KCNAB1: variants seen among roughly 807,000 people sequenced by gnomAD.
KCNAB1 encodes the protein potassium voltage-gated channel subfamily A regulatory beta subunit 1, also known as voltage-gated potassium channel subunit beta-1.
A neutral mutation model predicts 64.6 loss-of-function variants in KCNAB1; 35 were observed. The observed-to-expected ratio is 0.54, with a 90% CI of 0.41 to 0.72. The LOEUF (loss-of-function observed/expected upper bound fraction) is 0.72, where lower values mean the gene tolerates loss of function less well. KCNAB1 is among the 30% of genes least tolerant of loss of function. The probability of loss-of-function intolerance (pLI) is 0.00; values close to 1 mark genes in which losing one functional copy is unlikely to be tolerated. For missense variants in KCNAB1, 401 were observed against 512.9 expected (o/e 0.78, Z 2.11); for synonymous variants, 177 against 183.8 (o/e 0.96, Z 0.30).
At chr3:156,342,585 CTTTTTT>C (rs60982892) in intron 1 of KCNAB1, among the ~76,000 whole-genome samples, 3 of 86,268 alleles carry the variant, frequency 3.5e-5, no homozygotes, top group African/African-American at 3.7e-5. Context: ...CTATGTGTTT[CTTTTTT>C]TTTTTTTTTT....
At chr3:156,474,956 C>A (rs1227386778) in intron 8 of KCNAB1, 136 bp downstream of exon 8, 18 of 690,816 alleles carry the variant, frequency 2.6e-5, no homozygotes, top group Non-Finnish European at 4.4e-5. Flanking sequence ...CTGACTGATG[C>A]CTTTTGGCCT....
In KCNAB1 at chr3:156,200,415, G is replaced by A. The variant is rs368639849; in HGVS notation, c.275+79529G>A. On this transcript the variant is annotated intron_variant, in intron 1 of 13. Transcript: ENST00000490337. ...AAGAAGCTTTGTCTGCTGAAGCTGC[G>A]CCCATAGGCACCCCTTCCTTTAGGT... Among the ~76,000 whole-genome samples, 47 of 152,306 alleles carry A rather than the reference G, an allele frequency of 3.1e-4. No homozygotes were observed. In the Middle Eastern group the frequency reaches 0.01, roughly 33 times the overall value.
At chr3:156,486,316 T>C (rs962297559) in intron 8 of KCNAB1, among the ~76,000 whole-genome samples, 3 of 152,124 alleles carry the variant, frequency 2.0e-5, no homozygotes, top group African/African-American at 7.2e-5. Flanking sequence ...TCAGTGACTC[T>C]GGAGCTCCTC....
At chr3:156,505,362 C>T (rs559098821) in intron 8 of KCNAB1, among the ~76,000 whole-genome samples, 5 of 152,232 alleles carry the variant, frequency 3.3e-5, no homozygotes, top group Admixed American at 3.3e-4. Context: ...TCTTTTTGCT[C>T]AAGATTGCTT....
At position 156,515,171 on chromosome 3, in the gene KCNAB1, C is replaced by T. The variant is rs1301173951; in HGVS notation, c.816C>T (p.Phe272=). The T allele has an allele frequency of 6.2e-7, 1 of 1,613,272 alleles. No individual in the cohort carries two copies. Among genetic ancestry groups the T allele is most frequent in the Admixed American group, 1.7e-5 (1 of 59,960 alleles). Residue 272 remains phenylalanine (F), a synonymous_variant, in exon 10 of 14, where the codon TTC becomes TTT. Transcript: ENST00000490337. ...GTGAACAAGCTGAGTACCATCTTTT[C>T]CAGAGAGAGAAAGTGGAGGTCCAGC... ...PVCEQAEYHL[F]QREKVEVQLP...
At position 156,459,179 on chromosome 3, in the gene KCNAB1, A is replaced by G. The variant is rs184466657; in HGVS notation, c.438-648A>G. ...AGGGACATAGAACATTTGTCTCCTC[A>G]ATCTTGGGTCCCAGCCTGGGTAGGT... On this transcript the variant is annotated intron_variant, in intron 4 of 13. Coordinates refer to ENST00000490337, the MANE Select transcript of KCNAB1 (RefSeq NM_172160.3). 8.6e-4 allele frequency among the ~76,000 whole-genome samples: 131 copies of G among 152,290 alleles called. 1 individual carries two copies. The highest frequency in any genetic ancestry group is 3.1e-3 in the African/African-American group (130 of 41,564).
At chr3:156,496,187 A>G (rs977758861) in intron 8 of KCNAB1, among the ~76,000 whole-genome samples, 5 of 152,176 alleles carry the variant, frequency 3.3e-5, no homozygotes, top group African/African-American at 9.7e-5. Flanking sequence ...GTAAAGATTT[A>G]TAAAGAAAAA....
At chr3:156,176,543 C>T in intron 1 of KCNAB1, 2 of 809,932 alleles carry the variant, frequency 2.5e-6, no homozygotes, top group East Asian at 4.8e-5. Context: ...GAAGAGCATA[C>T]TGCCATCTGT....
At chr3:156,198,591 T>G (rs2108373548) in intron 1 of KCNAB1, among the ~76,000 whole-genome samples, 1 of 151,522 alleles carries the variant, frequency 6.6e-6, no homozygotes, top group East Asian at 1.9e-4. Context: ...ATCTGTTTTA[T>G]CAGAGACTAC....
chr3:156,403,892 T>TAAAAAAAAAAAAAA (rs200824639), intron 1 of KCNAB1, among the ~76,000 whole-genome samples: 57 of 136,820 alleles, frequency 4.2e-4, no homozygotes, highest in South Asian at 4.1e-3. Flanking sequence ...AGACTCTGCC[T>TAAAAAAAAAAAAAA]AAAAAAAAAA....
chr3:156,195,640 T>C (rs973407055), intron 1 of KCNAB1, among the ~76,000 whole-genome samples: 2 of 146,784 alleles, frequency 1.4e-5, no homozygotes, highest in Non-Finnish European at 3.1e-5. Context: ...GGTTGTTTGA[T>C]TTTTTCTTGT....
At chr3:156,486,627 G>A (rs1715235928) in intron 8 of KCNAB1, among the ~76,000 whole-genome samples, 1 of 152,180 alleles carries the variant, frequency 6.6e-6, no homozygotes, top group African/African-American at 2.4e-5. Context: ...GACCTCCTGG[G>A]ACTGGTAGGG....
At chr3:156,266,069 T>A (rs1240324347) in intron 1 of KCNAB1, among the ~76,000 whole-genome samples, 1 of 152,072 alleles carries the variant, frequency 6.6e-6, no homozygotes, top group African/African-American at 2.4e-5. Flanking sequence ...ACCAACCACC[T>A]CCCCTTGGAA....
intron 1 of KCNAB1, 125 bp from the exon 2 acceptor site, chr3:156,421,491 T>C (rs577557666): frequency 3.5e-6 from 3 of 853,532 alleles, no homozygotes; most frequent in Non-Finnish European, 5.6e-6. Flanking sequence ...TATGCCGGCA[T>C]CTGTGGTTCT....
chr3:156,242,904 T>A (rs983120876), intron 1 of KCNAB1, among the ~76,000 whole-genome samples: 2 of 151,686 alleles, frequency 1.3e-5, no homozygotes, highest in Admixed American at 6.6e-5. Context: ...TTATTTATTT[T>A]TTATTTTATT....
At chr3:156,271,990 T>A (rs1433270351) in intron 1 of KCNAB1, among the ~76,000 whole-genome samples, 6 of 152,252 alleles carry the variant, frequency 3.9e-5, no homozygotes, top group Admixed American at 3.9e-4. Context: ...TTGTATAAGA[T>A]CTAAAAGAAT....
intron 9 of KCNAB1, among the ~76,000 whole-genome samples, chr3:156,514,864 A>G (rs1717450068): frequency 1.3e-5 from 2 of 152,072 alleles, no homozygotes; most frequent in African/African-American, 2.4e-5. Flanking sequence ...CACCTTGACT[A>G]ATTTGCTCTG....
rs1715729228 is a variant in KCNAB1 at position 156,221,474 on chromosome 3, T to C, written c.275+100588T>C. ...TCTTTAGCCCCCTTCATCAAAATAA[T>C]TATCAGTCAAGAATTTTGTGGCCGG... is the stretch of plus-strand genomic sequence containing the variant. On this transcript the variant is annotated intron_variant, in intron 1 of 13. Coordinates refer to ENST00000490337, the MANE Select transcript of KCNAB1 (RefSeq NM_172160.3). Among the ~76,000 whole-genome samples, 6 of 152,100 alleles carry C rather than the reference T, an allele frequency of 3.9e-5. No homozygotes were observed. In the South Asian group the frequency reaches 1.2e-3, roughly 32 times the overall value.
At chr3:156,314,782 G>A (rs527949674) in intron 1 of KCNAB1, among the ~76,000 whole-genome samples, 2 of 152,352 alleles carry the variant, frequency 1.3e-5, no homozygotes, top group South Asian at 2.1e-4. Context: ...GGAGGCCAAG[G>A]TGGGTGGATC....
Sources: allele counts gnomAD v4.1 joint callset (sites outside exome capture counted in the v4.1 genomes callset), GRCh38; gene constraint gnomAD v4.1.1; transcripts MANE v1.5; gene names NCBI Gene and HGNC (gene_info 2026-07-23, HGNC 2026-07-21).